Variants in CDH18 observed in about 807,000 individuals in gnomAD.
CDH18 encodes cadherin 18.
A neutral mutation model predicts 67.9 loss-of-function variants in CDH18; 31 were observed. The observed-to-expected ratio is 0.46, with a 90% CI of 0.34 to 0.62. CDH18 has a LOEUF of 0.62. Among genes scored for constraint, CDH18 ranks in the 20% least tolerant of loss-of-function variants. The probability of loss-of-function intolerance (pLI) is 0.01; values close to 1 mark genes in which losing one functional copy is unlikely to be tolerated. For missense variants in CDH18, 890 were observed against 975.5 expected (o/e 0.91, Z 1.17); for synonymous variants, 362 against 347.2 (o/e 1.04, Z -0.48).
At chr5:20,050,053 T>A (rs900519759) in intron 2 of CDH18, among the ~76,000 whole-genome samples, 1 of 151,546 alleles carries the variant, frequency 6.6e-6, no homozygotes, top group Non-Finnish European at 1.5e-5. Context: ...AGAAAGTCAA[T>A]AAATAATGAA....
intron 1 of CDH18, among the ~76,000 whole-genome samples, chr5:20,358,772 T>G (rs937938434): frequency 6.6e-6 from 1 of 152,122 alleles, no homozygotes; most frequent in Non-Finnish European, 1.5e-5. Context: ...CTGGTCCCAA[T>G]ATATTTTTAA....
rs563977931 is a variant in CDH18 at position 19,612,321 on chromosome 5, A to G, written c.811+113T>C. 4 of 1,052,346 alleles carry G rather than the reference A, an allele frequency of 3.8e-6. No individual in the cohort carries two copies. The South Asian group carries it at 6.3e-5, about 16-fold the overall frequency. 65.2% of individuals were successfully genotyped at this position (1,052,346 alleles called of 1,614,324 possible). A position where few individuals can be genotyped will look rare whatever the true frequency, so the allele number is the denominator to read the frequency against. Reference sequence around the variant, plus strand: ...TGAAGAAGGGTGATCATATAGTACAAAAACAGAACAATTCCACTTAAGAAA... The same window carrying G: ...TGAAGAAGGGTGATCATATAGTACAGAAACAGAACAATTCCACTTAAGAAA... On this transcript the variant is annotated intron_variant, in intron 6 of 12. Coordinates refer to ENST00000382275, the MANE Select transcript of CDH18 (RefSeq NM_004934.5).
At chr5:20,063,731 C>G (rs143173692) in intron 2 of CDH18, among the ~76,000 whole-genome samples, 29 of 152,260 alleles carry the variant, frequency 1.9e-4, no homozygotes, top group African/African-American at 6.7e-4. Flanking sequence ...ACTAAATGTT[C>G]CTTTTTCAAC....
chr5:19,971,640 G>T (rs1374335535), intron 2 of CDH18, among the ~76,000 whole-genome samples: 1 of 151,924 alleles, frequency 6.6e-6, no homozygotes, highest in Non-Finnish European at 1.5e-5. Flanking sequence ...GGAGCTAAAT[G>T]ATGAGAACAT....
In CDH18 at chr5:20,095,444, A is replaced by AAAGAAAGAAAGG. The variant is rs1351361955; in HGVS notation, c.-517-103431_-517-103430insCCTTTCTTTCTT. Among the ~76,000 whole-genome samples, 46 of 81,832 alleles carry AAAGAAAGAAAGG rather than the reference A, an allele frequency of 5.6e-4. 1 individual carries two copies. Among genetic ancestry groups the AAAGAAAGAAAGG allele is most frequent in the African/African-American group, 1.9e-3 (42 of 21,672 alleles). 53.7% of individuals were successfully genotyped at this position (81,832 alleles called of 152,430 possible). A position where few individuals can be genotyped will look rare whatever the true frequency, so the allele number is the denominator to read the frequency against. ...GAAAGAAAGAAAGAAAGAAAGAAAG[A>AAAGAAAGAAAGG]AAAGAAAGAAAGAAAGAAGAAAGAA... On this transcript the variant is annotated intron_variant, in intron 2 of 14. Transcript: ENST00000507958.
chr5:19,705,704 A>T (rs1038353088), intron 5 of CDH18, among the ~76,000 whole-genome samples: 62 of 152,148 alleles, frequency 4.1e-4, no homozygotes, highest in African/African-American at 1.5e-3. Context: ...GGATCAAATC[A>T]CTACTGTGAT....
Position 19,825,905 on chromosome 5 carries a change from T to C in CDH18, c.228+12854A>G, listed in dbSNP as rs1396968721. On this transcript the variant is annotated intron_variant, in intron 3 of 12. Coordinates refer to ENST00000382275, the MANE Select transcript of CDH18 (RefSeq NM_004934.5). ...GATGAAATAGCTGAAATGTCAGAAATGCAATTTAGAACATGGATAGGAATG... is the reference window on the plus strand; with the variant it reads ...GATGAAATAGCTGAAATGTCAGAAACGCAATTTAGAACATGGATAGGAATG... Among the ~76,000 whole-genome samples, 3 of 152,014 alleles carry C rather than the reference T, an allele frequency of 2.0e-5. No individual in the cohort carries two copies. In the East Asian group the frequency reaches 5.8e-4, roughly 29 times the overall value.
chr5:20,516,150 A>G (rs1220937523), intron 1 of CDH18, among the ~76,000 whole-genome samples: 1 of 152,032 alleles, frequency 6.6e-6, no homozygotes, highest in Non-Finnish European at 1.5e-5. Flanking sequence ...AGTACTTATT[A>G]TGGTGGTCCT....
At chr5:20,099,096 AGAT>A (rs1746238130) in intron 2 of CDH18, among the ~76,000 whole-genome samples, 1 of 152,228 alleles carries the variant, frequency 6.6e-6, no homozygotes, top group South Asian at 2.1e-4. Flanking sequence ...ACACTTGCAA[AGAT>A]GTTGATATTT....
chr5:20,335,731 C>T (rs1164546034), intron 1 of CDH18, among the ~76,000 whole-genome samples: 1 of 152,090 alleles, frequency 6.6e-6, no homozygotes, highest in African/African-American at 2.4e-5. Context: ...GGAAGAGTGT[C>T]TGAAACATAG....
intron 1 of CDH18, among the ~76,000 whole-genome samples, chr5:20,422,204 G>C (rs949725034): frequency 7.0e-6 from 1 of 142,036 alleles, no homozygotes; most frequent in South Asian, 2.1e-4. Flanking sequence ...TGAAAAAATA[G>C]CCTTTTAACT....
At chr5:20,199,212 A>T (rs539200514) in intron 2 of CDH18, among the ~76,000 whole-genome samples, 1 of 152,298 alleles carries the variant, frequency 6.6e-6, no homozygotes, top group Admixed American at 6.5e-5. Context: ...GAAAACCCAT[A>T]GACACTCAAT....
At chr5:20,298,314 C>CTT (rs1747698117) in intron 1 of CDH18, among the ~76,000 whole-genome samples, 1 of 152,014 alleles carries the variant, frequency 6.6e-6, no homozygotes, top group Admixed American at 6.6e-5. Flanking sequence ...ATTATATTAA[C>CTT]TTAGGTAACT....
At chr5:20,385,455 ATCCTGTGACT>A (rs1744239458) in intron 1 of CDH18, among the ~76,000 whole-genome samples, 1 of 152,154 alleles carries the variant, frequency 6.6e-6, no homozygotes, top group African/African-American at 2.4e-5. Context: ...CAAAATGAGA[ATCCTGTGACT>A]TCTTCAGGCT....
chr5:19,868,545 A>T (rs1010354319), intron 2 of CDH18, among the ~76,000 whole-genome samples: 1 of 152,206 alleles, frequency 6.6e-6, no homozygotes, highest in Non-Finnish European at 1.5e-5. Flanking sequence ...TTAAAAACAA[A>T]TTATAGTTTG....
At chr5:19,884,417 A>T (rs1485064391) in intron 2 of CDH18, among the ~76,000 whole-genome samples, 3 of 152,150 alleles carry the variant, frequency 2.0e-5, no homozygotes, top group African/African-American at 7.2e-5. Context: ...CTAACAGAGC[A>T]TTATTTTACC....
At chr5:20,293,983 C>T (rs766873508) in intron 1 of CDH18, among the ~76,000 whole-genome samples, 24 of 152,020 alleles carry the variant, frequency 1.6e-4, no homozygotes, top group African/African-American at 5.3e-4. Context: ...TGTTTACTTT[C>T]TCTTAAGTGG....
chr5:20,498,712 G>A (rs1450079660), intron 1 of CDH18, among the ~76,000 whole-genome samples: 3 of 151,600 alleles, frequency 2.0e-5, no homozygotes, highest in Non-Finnish European at 1.5e-5. Flanking sequence ...TGTTCTTATT[G>A]TTTCCACAGG....
chr5:20,458,170 T>G (rs564397938), intron 1 of CDH18, among the ~76,000 whole-genome samples: 2 of 152,302 alleles, frequency 1.3e-5, no homozygotes, highest in Non-Finnish European at 2.9e-5. Flanking sequence ...CAGGCTGGAA[T>G]GAAGGGCCAC....
Sources: allele counts gnomAD v4.1 joint callset (sites outside exome capture counted in the v4.1 genomes callset), GRCh38; gene constraint gnomAD v4.1.1; transcripts MANE v1.5; gene names NCBI Gene and HGNC (gene_info 2026-07-23, HGNC 2026-07-21).